The following ITPKB variants were observed in gnomAD, a reference collection of about 807,000 sequenced individuals.
ITPKB encodes the protein inositol-trisphosphate 3-kinase B, also known as IP3 3-kinase B.
Under a neutral mutation model 69.4 loss-of-function variants are expected in ITPKB, and 13 were observed. The observed-to-expected ratio is 0.19, with a 90% CI of 0.12 to 0.30. The LOEUF (loss-of-function observed/expected upper bound fraction) is 0.30. ITPKB is among the 10% of genes least tolerant of loss of function. The pLI is 1.00. For synonymous variants in ITPKB, 584 were observed against 513.7 expected (o/e 1.14, Z -1.85); for missense variants, 1,240 against 1,250.5 (o/e 0.99, Z 0.13).
intron 2 of ITPKB, chr1:226,656,555 C>T (rs1365699951): frequency 3.3e-5 from 5 of 152,282 alleles, no homozygotes; most frequent in African/African-American, 1.2e-4. Context: ...TGCCCTTCCT[C>T]CAGCCCCCTT....
intron 2 of ITPKB, among the ~76,000 whole-genome samples, chr1:226,700,482 A>AAAC (rs1558089514): frequency 1.3e-5 from 2 of 150,632 alleles, no homozygotes; most frequent in African/African-American, 4.9e-5. Flanking sequence ...AAAAAAAAAA[A>AAAC]AAAAAAAAAA....
At chr1:226,638,519 C>A (rs1330755245) in intron 6 of ITPKB, among the ~76,000 whole-genome samples, 1 of 152,220 alleles carries the variant, frequency 6.6e-6, no homozygotes, top group Non-Finnish European at 1.5e-5. Context: ...CCAGATGTGC[C>A]TGGATCTCTG....
At chr1:226,649,205 G>A (rs945430768) in intron 2 of ITPKB, among the ~76,000 whole-genome samples, 3 of 152,220 alleles carry the variant, frequency 2.0e-5, no homozygotes, top group Non-Finnish European at 4.4e-5. Flanking sequence ...CAAGCCCACA[G>A]CTCTCTCCTC....
At chr1:226,660,437 C>T (rs146684856) in intron 2 of ITPKB, among the ~76,000 whole-genome samples, 13 of 152,332 alleles carry the variant, frequency 8.5e-5, no homozygotes, top group Admixed American at 2.0e-4. Flanking sequence ...AGGTGTCCTT[C>T]ACCCAAAATG....
chr1:226,655,739 G>A (rs549543136), intron 2 of ITPKB, among the ~76,000 whole-genome samples: 23 of 152,288 alleles, frequency 1.5e-4, no homozygotes, highest in African/African-American at 4.8e-4. Flanking sequence ...TGCCCCCTGG[G>A]GTCTGCTTCC....
chr1:226,736,015 A>G lies in ITPKB; in HGVS notation c.1444T>C (p.Trp482Arg). 1 of 1,613,806 alleles carries G rather than the reference A, an allele frequency of 6.2e-7. No homozygotes were observed. The change falls in exon 2 of 8, where the codon TGG becomes CGG. Residue 482 changes from tryptophan (W) to arginine (R), a missense_variant. By Grantham distance (101) the Trp-to-Arg change is moderately radical. Around this residue, in one of 2 missense-constraint regions of ITPKB, gnomAD observed 992 missense variants for 853.8 expected, o/e 1.16. Transcript: ENST00000429204. ...SGRMLEPLPC[W>R]DAAKDLKEPQ... Reference sequence around the variant, plus strand: ...TCTTTCAGATCTTTCGCAGCGTCCCAACAGGGCAAAGGCTCCAGCATTCTG... The same window carrying G: ...TCTTTCAGATCTTTCGCAGCGTCCCGACAGGGCAAAGGCTCCAGCATTCTG...
intron 2 of ITPKB, among the ~76,000 whole-genome samples, chr1:226,727,501 G>A (rs531830906): frequency 1.3e-5 from 2 of 152,250 alleles, no homozygotes; most frequent in African/African-American, 4.8e-5. Flanking sequence ...TCCTTCTCGC[G>A]GCAGGCTGAA....
At chr1:226,696,692 G>A (rs370354520) in intron 2 of ITPKB, among the ~76,000 whole-genome samples, 1 of 152,112 alleles carries the variant, frequency 6.6e-6, no homozygotes, top group African/African-American at 2.4e-5. Flanking sequence ...GAGGAAATAC[G>A]CACACGCGCA....
chr1:226,639,261 T>C (rs1668903058), intron 6 of ITPKB, among the ~76,000 whole-genome samples: 1 of 152,198 alleles, frequency 6.6e-6, no homozygotes, highest in African/African-American at 2.4e-5. Context: ...TTTCACCATG[T>C]TGGCCAGGCT....
intron 2 of ITPKB, among the ~76,000 whole-genome samples, chr1:226,705,823 G>C (rs1656790012): frequency 6.6e-6 from 1 of 152,172 alleles, no homozygotes; most frequent in Non-Finnish European, 1.5e-5. Flanking sequence ...TCATTTCTTA[G>C]GACTCCCTGT....
At chr1:226,670,074 T>C (rs1290063674) in intron 2 of ITPKB, among the ~76,000 whole-genome samples, 1 of 145,972 alleles carries the variant, frequency 6.9e-6, no homozygotes, top group Non-Finnish European at 1.5e-5. Context: ...GGGGTTTCAC[T>C]ACTTGCCTCA....
At position 226,736,166 on chromosome 1, in the gene ITPKB, G is replaced by C; in HGVS notation, c.1293C>G (p.Pro431=). Residue 431 remains proline, a synonymous_variant, in exon 2 of 8, where the codon CCC becomes CCG. Coordinates refer to ENST00000429204, the MANE Select transcript of ITPKB (RefSeq NM_002221.4). The stretch of plus-strand genomic sequence containing the variant: ...AGAGCTGCCAACGCCCCCCGCCCAC[G>C]GGGGCCCCACTTCGGGCCTCCTCAG... The part of the protein sequence containing the change: ...VGPEEARSGA[P]VGGGRWQLSD... 6.4e-7 allele frequency: 1 copy of C among 1,552,904 alleles called. No individual in the cohort carries two copies. Among genetic ancestry groups the C allele is most frequent in the Non-Finnish European group, 8.7e-7 (1 of 1,150,154 alleles).
chr1:226,707,130 A>G, intron 2 of ITPKB: 1 of 833,322 alleles, frequency 1.2e-6, no homozygotes, highest in Non-Finnish European at 1.4e-6. Context: ...AAATAAAGGG[A>G]CCTAGTAGAA....
At chr1:226,710,029 C>T (rs545833330) in intron 2 of ITPKB, among the ~76,000 whole-genome samples, 2 of 152,296 alleles carry the variant, frequency 1.3e-5, no homozygotes, top group South Asian at 4.1e-4. Context: ...TCACAACCCA[C>T]CCACCACAAA....
chr1:226,693,613 A>G (rs1656409072), intron 2 of ITPKB, among the ~76,000 whole-genome samples: 1 of 152,178 alleles, frequency 6.6e-6, no homozygotes, highest in Non-Finnish European at 1.5e-5. Context: ...GTTATTTTCT[A>G]TTCTACTCTA....
intron 4 of ITPKB, among the ~76,000 whole-genome samples, chr1:226,643,458 G>C (rs999093719): frequency 6.6e-6 from 1 of 152,116 alleles, no homozygotes; most frequent in African/African-American, 2.4e-5. Flanking sequence ...CTGTGTGGGC[G>C]GGAGCTGCCC....
Position 226,720,564 on chromosome 1 carries a change from C to T in ITPKB, c.1932+14963G>A, listed in dbSNP as rs1038113336. ...TAAAAGGAGGAAAATAATGAATGCC[C>T]TGCAAAAATTACATAAAGTATTTGA... On this transcript the variant is annotated intron_variant, in intron 2 of 7. Coordinates refer to ENST00000429204, the MANE Select transcript of ITPKB (RefSeq NM_002221.4). 3.3e-5 allele frequency among the ~76,000 whole-genome samples: 5 copies of T among 152,158 alleles called. No homozygotes were observed. In the South Asian group the frequency reaches 1.0e-3, roughly 32 times the overall value.
chr1:226,708,308 G>A (rs546525079), intron 2 of ITPKB, among the ~76,000 whole-genome samples: 1 of 152,204 alleles, frequency 6.6e-6, no homozygotes, highest in African/African-American at 2.4e-5. Context: ...AAACCAAAAA[G>A]AACAAAAAAT....
chr1:226,649,501 TGC>T (rs1195660033), intron 2 of ITPKB, among the ~76,000 whole-genome samples: 7 of 150,966 alleles, frequency 4.6e-5, no homozygotes, highest in Admixed American at 2.6e-4. Flanking sequence ...AGTGTGTGCA[TGC>T]GTGATATGTG....
Sources: allele counts gnomAD v4.1 joint callset (sites outside exome capture counted in the v4.1 genomes callset), GRCh38; gene constraint gnomAD v4.1.1; regional missense constraint gnomAD v4.1.1; transcripts MANE v1.5; gene names NCBI Gene and HGNC (gene_info 2026-07-23, HGNC 2026-07-21).